The following GFOD1 variants were observed in gnomAD, a reference collection of about 807,000 sequenced individuals.
GFOD1 encodes the protein Gfo/Idh/MocA-like oxidoreductase domain containing 1.
In GFOD1, 9 loss-of-function variants were observed where a neutral mutation model predicts 25.4. That is an observed-to-expected ratio of 0.35 (90% confidence interval 0.21 to 0.62). The LOEUF (loss-of-function observed/expected upper bound fraction) is 0.62. GFOD1 is among the 20% of genes least tolerant of loss of function. The pLI is 0.72. For synonymous variants in GFOD1, 253 were observed against 245.6 expected (o/e 1.03, Z -0.28); for missense variants, 403 against 556.9 (o/e 0.72, Z 2.78).
intron 1 of GFOD1, among the ~76,000 whole-genome samples, chr6:13,448,802 A>G (rs1195241266): frequency 1.3e-5 from 2 of 152,222 alleles, no homozygotes; most frequent in African/African-American, 4.8e-5. Context: ...CCTGGTGGAC[A>G]GAGATCTGGC....
chr6:13,408,202 T>C, intron 1 of GFOD1: 4 of 544,292 alleles, frequency 7.3e-6, no homozygotes, highest in Non-Finnish European at 9.4e-6. Flanking sequence ...GAATGTGGCC[T>C]TGGGCCAGAC....
intron 1 of GFOD1, among the ~76,000 whole-genome samples, chr6:13,398,948 C>CAGT (rs1785790126): frequency 6.6e-6 from 1 of 152,352 alleles, no homozygotes; most frequent in East Asian, 1.9e-4. Context: ...GAGCCAGTTA[C>CAGT]AGTAACACTG....
rs117125202 is a variant in GFOD1, at chr6:13,365,531, C to G, written c.385G>C (p.Val129Leu). ...GNVLRFLPAF[V>L]RMKQLIEEGY... Reference sequence around the variant, plus strand: ...TCCTCGATCAGCTGCTTCATGCGCACGAAAGCCGGCAGGAAGCGCAGCACG... The same window carrying G: ...TCCTCGATCAGCTGCTTCATGCGCAGGAAAGCCGGCAGGAAGCGCAGCACG... The change falls in exon 2 of 2, where the codon GTG becomes CTG. Residue 129 changes from valine (V) to leucine (L), a missense_variant. By Grantham distance (32) the Val-to-Leu change is conservative. Transcript: ENST00000379287. The surrounding 1 kb of genome is among the most constrained non-coding windows in gnomAD (Gnocchi z 9.2). The G allele has an allele frequency of 1.5e-4, 240 of 1,612,450 alleles. No individual in the cohort carries two copies. In the East Asian group the frequency reaches 4.5e-3, roughly 30 times the overall value.
At chr6:13,479,626 C>T (rs1477884296) in intron 1 of GFOD1, among the ~76,000 whole-genome samples, 2 of 152,300 alleles carry the variant, frequency 1.3e-5, no homozygotes, top group East Asian at 3.9e-4. Context: ...ATCAAAATGT[C>T]CAACTTCTTC....
chr6:13,472,979 T>A (rs899433066), intron 1 of GFOD1, among the ~76,000 whole-genome samples: 2 of 152,128 alleles, frequency 1.3e-5, no homozygotes, highest in Admixed American at 1.3e-4. Flanking sequence ...CTCACAATCA[T>A]CATTTCCATG....
At position 13,364,755 on chromosome 6, in the gene GFOD1, G is replaced by A. The variant is rs1562192207; in HGVS notation, c.1161C>T (p.Ser387=). ...ISEAMRRSRM[S]LYC Reference sequence around the variant, plus strand: ...TTCTCAATCTGTGCTAACAGTAGAGGGACATCCTGCTGCGGCGCATGGCCT... The same window carrying A: ...TTCTCAATCTGTGCTAACAGTAGAGAGACATCCTGCTGCGGCGCATGGCCT... Residue 387 remains serine (S), a synonymous_variant, in exon 2 of 2, where the codon TCC becomes TCT. Transcript: ENST00000379287. The surrounding 1 kb of genome is among the most constrained non-coding windows in gnomAD (Gnocchi z 4.1). 2.5e-6 allele frequency: 4 copies of A among 1,612,250 alleles called. No individual in the cohort carries two copies. Among genetic ancestry groups the A allele is most frequent in the Non-Finnish European group, 3.4e-6 (4 of 1,179,358 alleles).
At chr6:13,392,892 C>CAA (rs551198222) in intron 1 of GFOD1, among the ~76,000 whole-genome samples, 1 of 137,694 alleles carries the variant, frequency 7.3e-6, no homozygotes, top group African/African-American at 2.7e-5. Flanking sequence ...GCTGTCCCTA[C>CAA]AAAAAAAAAA....
intron 1 of GFOD1, chr6:13,469,689 A>G (rs1399218478): frequency 8.5e-7 from 1 of 1,173,698 alleles, no homozygotes; most frequent in Non-Finnish European, 1.1e-6. Flanking sequence ...CTACCAAGAA[A>G]GAAAAGCCCT....
At chr6:13,427,358 T>G (rs530508886) in intron 1 of GFOD1, among the ~76,000 whole-genome samples, 2 of 152,240 alleles carry the variant, frequency 1.3e-5, no homozygotes, top group South Asian at 4.1e-4. Context: ...AAAAACATGA[T>G]GATAAAAAAG....
In GFOD1 at chr6:13,365,748, T is replaced by A; in HGVS notation, c.254-86A>T. ...GGGTCAGATCTTAAAATATTTCACATTAATAGAAAAAGAAGGTCAGATGTG... is the reference window on the plus strand; with the variant it reads ...GGGTCAGATCTTAAAATATTTCACAATAATAGAAAAAGAAGGTCAGATGTG... On this transcript the variant is annotated intron_variant, in intron 1 of 1. Transcript: ENST00000379287. The surrounding 1 kb of genome is among the most constrained non-coding windows in gnomAD (Gnocchi z 9.2). 9.7e-7 allele frequency: 1 copy of A among 1,031,952 alleles called. No individual in the cohort carries two copies. Among genetic ancestry groups the A allele is most frequent in the South Asian group, 1.5e-5 (1 of 66,208 alleles). The allele number at this position is 1,031,952 out of a possible 1,614,324, so 63.9% of individuals were successfully genotyped here. A position where few individuals can be genotyped will look rare whatever the true frequency, so the allele number is the denominator to read the frequency against.
chr6:13,365,449 A>G lies in GFOD1; in HGVS notation c.467T>C (p.Leu156Pro). 1 of 1,613,838 alleles carries G rather than the reference A, an allele frequency of 6.2e-7. No homozygotes were observed. The highest frequency in any genetic ancestry group is 8.5e-7 in the Non-Finnish European group (1 of 1,180,002). The change falls in exon 2 of 2, where the codon CTG (leucine) becomes CCG (proline). Residue 156 changes from leucine (L) to proline (P), a missense_variant. Physicochemically the swap from Leu to Pro is moderately conservative, Grantham distance 98 (BLOSUM62 -3). Transcript: ENST00000379287. The surrounding 1 kb of genome is among the most constrained non-coding windows in gnomAD (Gnocchi z 9.2). ...CEVQVHGGSLLGKKYNWSCDD... is the reference protein window; with the variant it reads ...CEVQVHGGSLPGKKYNWSCDD... Reference sequence around the variant, plus strand: ...GCAGCTCCAGTTGTACTTCTTGCCCAGCAGGCTGCCGCCGTGCACCTGCAC... The same window carrying G: ...GCAGCTCCAGTTGTACTTCTTGCCCGGCAGGCTGCCGCCGTGCACCTGCAC...
chr6:13,460,847 T>C (rs1421855933), intron 1 of GFOD1, among the ~76,000 whole-genome samples: 2 of 152,166 alleles, frequency 1.3e-5, no homozygotes, highest in Non-Finnish European at 2.9e-5. Flanking sequence ...TAAAATAACA[T>C]TTTTTTAAAA....
chr6:13,371,731 G>C (rs1785158257), intron 1 of GFOD1, among the ~76,000 whole-genome samples: 1 of 152,254 alleles, frequency 6.6e-6, no homozygotes, highest in Admixed American at 6.5e-5. Flanking sequence ...AATGGTGGTA[G>C]AGGAACGGGA....
intron 1 of GFOD1, among the ~76,000 whole-genome samples, chr6:13,473,488 G>A (rs528091360): frequency 4.7e-4 from 72 of 152,326 alleles, no homozygotes; most frequent in African/African-American, 1.5e-3. Flanking sequence ...TGCCTTGACT[G>A]ACCCCAGAGC....
Position 13,363,227 on chromosome 6 carries a change from GTGTGTGTGTGTGCACGTGCA to G in GFOD1, c.*1496_*1515del, listed in dbSNP as rs1307330931. ...TTCAAAAATCTGTGTGTGTGTGTGT[GTGTGTGTGTGTGCACGTGCA>G]TGTGTGTGTGTGTCTGTTCCCTTTT... On this transcript the variant is annotated 3_prime_UTR_variant, in exon 2 of 2. Coordinates refer to ENST00000379287, the MANE Select transcript of GFOD1 (RefSeq NM_018988.4). 3 of 152,084 alleles carry G rather than the reference GTGTGTGTGTGTGCACGTGCA, an allele frequency of 2.0e-5. No homozygotes were observed. The South Asian group carries it at 6.2e-4, about 32-fold the overall frequency. 9.4% of individuals were successfully genotyped at this position (152,084 alleles called of 1,614,324 possible).
At chr6:13,382,347 T>TG (rs57799706) in intron 1 of GFOD1, among the ~76,000 whole-genome samples, 2,041 of 143,676 alleles carry the variant, frequency 0.014, 48 homozygotes, top group African/African-American at 0.044. Flanking sequence ...AATTGAATCA[T>TG]GGGGGGGGGG....
intron 1 of GFOD1, among the ~76,000 whole-genome samples, chr6:13,465,628 G>A (rs1305546590): frequency 1.3e-5 from 2 of 152,124 alleles, no homozygotes; most frequent in Non-Finnish European, 2.9e-5. Flanking sequence ...GTGCGGCCTG[G>A]GCTTCAGGAT....
chr6:13,463,001 G>C (rs1196185880), intron 1 of GFOD1, among the ~76,000 whole-genome samples: 1 of 152,224 alleles, frequency 6.6e-6, no homozygotes, highest in Non-Finnish European at 1.5e-5. Flanking sequence ...AAGATTTCAC[G>C]AGGCAGAGAG....
chr6:13,389,289 A>T (rs28813108), intron 1 of GFOD1, among the ~76,000 whole-genome samples: 66,384 of 152,102 alleles, frequency 0.44, 16,713 homozygotes, highest in East Asian at 0.68. Context: ...TTATAAATCA[A>T]GCTACTTTAA....
Sources: gnomAD v4.1 joint callset for allele counts (sites outside exome capture counted in the v4.1 genomes callset) on GRCh38, gnomAD v4.1.1 for gene constraint, Gnocchi (gnomAD v3.1) non-coding constraint, MANE v1.5 for transcripts, NCBI Gene and HGNC (gene_info 2026-07-23, HGNC 2026-07-21) for gene names.